The following PLCE1 variants were observed in gnomAD, a reference collection of about 807,000 sequenced individuals.
The protein encoded by PLCE1 is 1-phosphatidylinositol 4,5-bisphosphate phosphodiesterase epsilon-1.
PLCE1 carries 119 observed loss-of-function variants against 242.8 expected under a neutral mutation model. The ratio of observed to expected loss-of-function variants is 0.49; its 90% CI spans 0.42 to 0.57. The LOEUF (loss-of-function observed/expected upper bound fraction) is 0.57, where lower values mean the gene tolerates loss of function less well. Among genes scored for constraint, PLCE1 ranks in the 20% least tolerant of loss-of-function variants. The probability of loss-of-function intolerance (pLI) is 0.00; values close to 1 mark genes in which losing one functional copy is unlikely to be tolerated. For synonymous variants in PLCE1, 945 were observed against 1,017.4 expected, an observed-to-expected ratio of 0.93 and a Z score of 1.35; for missense variants, 2,441 against 2,788.8, an observed-to-expected ratio of 0.88 and a Z score of 2.81.
chr10:94,258,333 T>C (rs189366509), intron 11 of PLCE1, among the ~76,000 whole-genome samples: 4 of 152,338 alleles, frequency 2.6e-5, no homozygotes, highest in South Asian at 4.1e-4. Context: ...TCTGTTTTCA[T>C]CTAAGGACTG....
intron 4 of PLCE1, among the ~76,000 whole-genome samples, chr10:94,189,420 C>T (rs926166211): frequency 6.6e-6 from 1 of 151,908 alleles, no homozygotes; most frequent in Admixed American, 6.6e-5. Context: ...CCCTCCTCTC[C>T]CCACAAGATG....
intron 22 of PLCE1, among the ~76,000 whole-genome samples, chr10:94,285,298 G>A (rs772484031): frequency 6.6e-6 from 1 of 152,038 alleles, no homozygotes; most frequent in Admixed American, 6.6e-5. Flanking sequence ...CTCCTTTACC[G>A]TTCATAATGA....
chr10:94,159,793 G>C (rs557677104), intron 3 of PLCE1, among the ~76,000 whole-genome samples: 1 of 151,814 alleles, frequency 6.6e-6, no homozygotes, highest in African/African-American at 2.4e-5. Flanking sequence ...AACAGGCCCC[G>C]ATGTGTGATG....
At chr10:93,998,752 A>G (rs2060877677) in intron 1 of PLCE1, among the ~76,000 whole-genome samples, 1 of 152,210 alleles carries the variant, frequency 6.6e-6, no homozygotes, top group African/African-American at 2.4e-5. Flanking sequence ...AGGCTAGATC[A>G]TGATCTACCA....
intron 30 of PLCE1, among the ~76,000 whole-genome samples, chr10:94,323,694 TA>T (rs2053905860): frequency 6.6e-6 from 1 of 152,220 alleles, no homozygotes. Context: ...TATGATAACT[TA>T]GTTAATATTA....
rs118080241 is a variant in PLCE1 at position 94,039,400 on chromosome 10, G to A, written c.1206+7148G>A. ...TCCATATCTTTTTTTTTTTTTCCCG[G>A]AGACGGAGTCTTGCTCTGTTGCCCA... is the stretch of plus-strand genomic sequence containing the variant. On this transcript the variant is annotated intron_variant, in intron 2 of 32. Coordinates refer to ENST00000371380, the MANE Select transcript of PLCE1 (RefSeq NM_016341.4). Among the ~76,000 whole-genome samples, 218 of 151,058 alleles carry A rather than the reference G, an allele frequency of 1.4e-3. 5 individuals are homozygous for A. The East Asian group carries it at 0.03, about 21-fold the overall frequency.
At chr10:94,159,718 T>TTATCTCGTCATTTAACATTAGGTA (rs2047548363) in intron 3 of PLCE1, among the ~76,000 whole-genome samples, 5 of 152,178 alleles carry the variant, frequency 3.3e-5, no homozygotes, top group African/African-American at 1.2e-4. Flanking sequence ...GCTGCACCCA[T>TTATCTCGTCATTTAACATTAGGTA]TATCTCGTCA....
At chr10:94,238,410 A>G (rs369129805) in intron 7 of PLCE1, among the ~76,000 whole-genome samples, 264 of 152,330 alleles carry the variant, frequency 1.7e-3, no homozygotes, top group African/African-American at 5.8e-3. Flanking sequence ...TCTGACTAAT[A>G]AACAGTAGAG....
At chr10:94,193,155 A>G (rs1200833686) in intron 4 of PLCE1, among the ~76,000 whole-genome samples, 4 of 152,192 alleles carry the variant, frequency 2.6e-5, no homozygotes, top group Non-Finnish European at 4.4e-5. Flanking sequence ...AGATCTTCCA[A>G]TGGCCTTTTT....
rs1204067962 is a variant in PLCE1, at chr10:94,332,269, C to CT, written c.*4327dup. The CT allele has an allele frequency of 6.6e-6, 1 of 152,142 alleles. No individual in the cohort carries two copies. Among genetic ancestry groups the CT allele is most frequent in the Non-Finnish European group, 1.5e-5 (1 of 68,042 alleles). 9.4% of individuals were successfully genotyped at this position (152,142 alleles called of 1,614,324 possible). A position where few individuals can be genotyped will look rare whatever the true frequency, so the allele number is the denominator to read the frequency against. On this transcript the variant is annotated 3_prime_UTR_variant, in exon 33 of 33. Coordinates refer to ENST00000371380, the MANE Select transcript of PLCE1 (RefSeq NM_016341.4). ...TCCCTATTGCAGATGACATAGGTCT[C>CT]TAAACTTTTGACACAAGTAATTCTA...
At chr10:94,004,411 GA>G (rs11342390) in intron 1 of PLCE1, among the ~76,000 whole-genome samples, 2,362 of 152,206 alleles carry the variant, frequency 0.016, 26 homozygotes, top group African/African-American at 0.032. Context: ...CTTAAGGGGG[GA>G]AAAAGTGTTC....
chr10:94,252,509 AT>A lies in PLCE1; in HGVS notation c.3279+14del. Reference sequence around the variant, plus strand: ...AAAATCCTCATGAGGGTAGAGTGTTATTTGTTTATTAAGCATTAAACCCATC... The same window carrying A: ...AAAATCCTCATGAGGGTAGAGTGTTATTGTTTATTAAGCATTAAACCCATC... On this transcript the variant is annotated intron_variant, in intron 9 of 32. Transcript: ENST00000371380. 2 of 1,606,612 alleles carry A rather than the reference AT, an allele frequency of 1.2e-6. No homozygotes were observed. Among genetic ancestry groups the A allele is most frequent in the Non-Finnish European group, 1.7e-6 (2 of 1,175,318 alleles).
intron 4 of PLCE1, among the ~76,000 whole-genome samples, chr10:94,219,525 T>TA (rs1159309837): frequency 6.6e-6 from 1 of 152,174 alleles, no homozygotes; most frequent in Non-Finnish European, 1.5e-5. Context: ...ATAGCTTCAG[T>TA]AAAAGACTCA....
chr10:94,270,627 A>T, intron 18 of PLCE1, 25 bp downstream of exon 18: 1 of 1,336,932 alleles, frequency 7.5e-7, no homozygotes, highest in Non-Finnish European at 1.1e-6. Context: ...AAAAGGCAGG[A>T]TGGTATGTTG....
At chr10:94,108,618 T>G (rs970581846) in intron 2 of PLCE1, 1 of 152,258 alleles carries the variant, frequency 6.6e-6, no homozygotes, top group African/African-American at 2.4e-5. Context: ...GTGGTTGTAG[T>G]TGGGTCATTT....
intron 2 of PLCE1, among the ~76,000 whole-genome samples, chr10:94,044,699 C>G (rs560691297): frequency 1.3e-5 from 2 of 152,218 alleles, no homozygotes; most frequent in Non-Finnish European, 1.5e-5. Flanking sequence ...GTCTCTTCCA[C>G]CTTCCTCGGC....
intron 1 of PLCE1, among the ~76,000 whole-genome samples, chr10:94,003,197 GT>G (rs1232347307): frequency 6.6e-6 from 1 of 152,144 alleles, no homozygotes; most frequent in African/African-American, 2.4e-5. Flanking sequence ...ATAATAGACT[GT>G]TTTATTTTAC....
At chr10:94,280,013 C>A in intron 20 of PLCE1, 102 bp downstream of exon 20, 2 of 1,176,530 alleles carry the variant, frequency 1.7e-6, no homozygotes, top group Non-Finnish European at 2.5e-6. Context: ...ACCAGTAATA[C>A]GGATGGTTGT....
intron 26 of PLCE1, among the ~76,000 whole-genome samples, chr10:94,307,813 G>T (rs1564882607): frequency 6.6e-6 from 1 of 152,134 alleles, no homozygotes; most frequent in Non-Finnish European, 1.5e-5. Flanking sequence ...AGGTACTGAG[G>T]GTTAGGACTT....
Sources: gnomAD v4.1 joint callset for allele counts (sites outside exome capture counted in the v4.1 genomes callset) on GRCh38, gnomAD v4.1.1 for gene constraint, MANE v1.5 for transcripts, NCBI Gene and HGNC (gene_info 2026-07-23, HGNC 2026-07-21) for gene names.